The following LRRTM3 variants were observed in gnomAD, a reference collection of about 807,000 sequenced individuals.
LRRTM3 encodes the protein leucine-rich repeat transmembrane neuronal protein 3.
In LRRTM3, 24 loss-of-function variants were observed where a neutral mutation model predicts 44.7. The observed-to-expected ratio is 0.54, with a 90% confidence interval of 0.39 to 0.76. The LOEUF is 0.76. LRRTM3 is among the 30% of genes least tolerant of loss of function. The probability of loss-of-function intolerance (pLI) is 0.00; values close to 1 mark genes in which losing one functional copy is unlikely to be tolerated. For missense variants in LRRTM3, 587 were observed against 702.2 expected (o/e 0.84, Z 1.85); for synonymous variants, 277 against 278.7 (o/e 0.99, Z 0.06).
chr10:67,070,765 GA>G (rs995511048), intron 2 of LRRTM3, among the ~76,000 whole-genome samples: 2 of 151,366 alleles, frequency 1.3e-5, no homozygotes, highest in African/African-American at 2.4e-5. Context: ...AGAAAGAAAA[GA>G]AAAAAAAGAA....
intron 2 of LRRTM3, among the ~76,000 whole-genome samples, chr10:67,017,725 C>CTGTGTGTG (rs10586644): frequency 2.1e-4 from 31 of 147,988 alleles, no homozygotes; most frequent in African/African-American, 5.5e-4. Context: ...CAAAAATCAT[C>CTGTGTGTG]TGTGTGTGTG....
rs1858190352 is a variant in LRRTM3 at position 67,099,220 on chromosome 10, T to G, written c.*1424T>G. 1.3e-5 allele frequency: 2 copies of G among 151,838 alleles called. No homozygotes were observed. Among genetic ancestry groups the G allele is most frequent in the Admixed American group, 1.3e-4 (2 of 15,194 alleles). The allele number at this position is 151,838 out of a possible 1,614,324, so 9.4% of individuals were successfully genotyped here. ...TCATTCAAATCAAATTAAGAAAACCTGAGTCTTTAGAAGCTGAAATAATCA... is the reference window on the plus strand; with the variant it reads ...TCATTCAAATCAAATTAAGAAAACCGGAGTCTTTAGAAGCTGAAATAATCA... On this transcript the variant is annotated 3_prime_UTR_variant, in exon 3 of 3. Coordinates refer to ENST00000361320, the MANE Select transcript of LRRTM3 (RefSeq NM_178011.5).
intron 2 of LRRTM3, among the ~76,000 whole-genome samples, chr10:67,060,726 T>A (rs1402999711): frequency 6.6e-6 from 1 of 152,118 alleles, no homozygotes; most frequent in Non-Finnish European, 1.5e-5. Context: ...TCATTCCAGA[T>A]GATGTAGCTA....
chr10:67,044,887 C>T (rs900099457), intron 2 of LRRTM3, among the ~76,000 whole-genome samples: 1 of 152,158 alleles, frequency 6.6e-6, no homozygotes, highest in African/African-American at 2.4e-5. Flanking sequence ...AAGTTTCTTA[C>T]CTTCTTAGCG....
intron 2 of LRRTM3, among the ~76,000 whole-genome samples, chr10:67,063,885 C>T (rs918578606): frequency 2.0e-5 from 3 of 152,154 alleles, no homozygotes; most frequent in African/African-American, 7.2e-5. Flanking sequence ...ATACTCTGGC[C>T]TCCTCTAGAA....
chr10:67,019,942 G>A (rs1466743369), intron 2 of LRRTM3, among the ~76,000 whole-genome samples: 1 of 152,196 alleles, frequency 6.6e-6, no homozygotes, highest in Non-Finnish European at 1.5e-5. Context: ...AAATAAGAAC[G>A]TCACTTGTTT....
At chr10:66,998,559 C>G (rs1203077759) in intron 2 of LRRTM3, among the ~76,000 whole-genome samples, 4 of 151,734 alleles carry the variant, frequency 2.6e-5, no homozygotes, top group Non-Finnish European at 5.9e-5. Flanking sequence ...TGAAGAATGA[C>G]AATGAACAGA....
intron 2 of LRRTM3, among the ~76,000 whole-genome samples, chr10:66,966,208 C>T (rs757005617): frequency 2.0e-4 from 31 of 152,032 alleles, no homozygotes; most frequent in Admixed American, 2.6e-4. Context: ...CATTAATAAA[C>T]GAAAACAATT....
At chr10:67,014,002 T>C (rs1445052127) in intron 2 of LRRTM3, among the ~76,000 whole-genome samples, 2 of 152,098 alleles carry the variant, frequency 1.3e-5, no homozygotes, top group Non-Finnish European at 2.9e-5. Flanking sequence ...TCCAGAGAAT[T>C]TGTCTCTAAA....
chr10:66,929,608 C>T (rs781152308), intron 2 of LRRTM3, among the ~76,000 whole-genome samples: 7 of 152,152 alleles, frequency 4.6e-5, no homozygotes, highest in South Asian at 2.1e-4. Flanking sequence ...ATGTATAAAA[C>T]GAATCTTAGA....
intron 2 of LRRTM3, among the ~76,000 whole-genome samples, chr10:66,968,026 G>T (rs535729788): frequency 6.6e-6 from 1 of 152,090 alleles, no homozygotes; most frequent in Non-Finnish European, 1.5e-5. Context: ...TATACTAAAA[G>T]AAAAGAAATT....
intron 2 of LRRTM3, among the ~76,000 whole-genome samples, chr10:67,076,979 A>G (rs1442746672): frequency 6.6e-6 from 1 of 152,158 alleles, no homozygotes; most frequent in African/African-American, 2.4e-5. Context: ...CTCACCGCCA[A>G]AGCAACTTGC....
intron 2 of LRRTM3, among the ~76,000 whole-genome samples, chr10:67,058,092 G>C (rs576631233): frequency 6.6e-6 from 1 of 151,960 alleles, no homozygotes; most frequent in Non-Finnish European, 1.5e-5. Context: ...CTTGCATGCT[G>C]GTGTCTCTTC....
intron 2 of LRRTM3, among the ~76,000 whole-genome samples, chr10:67,039,654 A>G (rs1564848235): frequency 6.6e-6 from 1 of 152,134 alleles, no homozygotes; most frequent in South Asian, 2.1e-4. Flanking sequence ...CAGAAAAATT[A>G]AAAATCATGA....
intron 2 of LRRTM3, among the ~76,000 whole-genome samples, chr10:67,091,378 A>G (rs1032924006): frequency 6.6e-6 from 1 of 151,974 alleles, no homozygotes; most frequent in African/African-American, 2.4e-5. Context: ...GTATATATTT[A>G]AGGAATATAT....
At chr10:67,009,318 T>A (rs7896690) in intron 2 of LRRTM3, among the ~76,000 whole-genome samples, 48,248 of 151,884 alleles carry the variant, frequency 0.32, 7,999 homozygotes, top group Middle Eastern at 0.5. Context: ...TGAACTAAAT[T>A]TTATGGGATT....
Position 67,097,671 on chromosome 10 carries a change from T to C in LRRTM3, c.1621T>C (p.Ser541Pro). Residue 541 changes from serine (S) to proline (P), a missense_variant, in exon 3 of 3, where the codon TCC becomes CCC. Physicochemically the swap from Ser to Pro is moderately conservative, Grantham distance 74 (BLOSUM62 -1). Around this residue, in one of 3 missense-constraint regions of LRRTM3, gnomAD observed 315 missense variants for 335.6 expected, o/e 0.94. Transcript: ENST00000361320. ...CTGTGGGGTGCATCATGAACTTCTC[T>C]CCCATAAGTCCTTTGAAACGAATGC... ...SYCGVHHELL[S>P]HKSFETNAQE... The C allele has an allele frequency of 6.2e-7, 1 of 1,612,686 alleles. No individual in the cohort carries two copies. The highest frequency in any genetic ancestry group is 1.3e-5 in the African/African-American group (1 of 74,894).
chr10:66,993,318 A>T (rs1028710555), intron 2 of LRRTM3, among the ~76,000 whole-genome samples: 6 of 152,218 alleles, frequency 3.9e-5, no homozygotes, highest in Admixed American at 3.9e-4. Context: ...AGCCTCAGAC[A>T]TCACTCAAAG....
At chr10:67,081,810 T>G (rs1857073597) in intron 2 of LRRTM3, among the ~76,000 whole-genome samples, 1 of 152,198 alleles carries the variant, frequency 6.6e-6, no homozygotes, top group Admixed American at 6.5e-5. Context: ...GTCTCCCCTC[T>G]GAGGTCTTTC....
Sources: gnomAD v4.1 joint callset for allele counts (sites outside exome capture counted in the v4.1 genomes callset) on GRCh38, gnomAD v4.1.1 for gene constraint, gnomAD v4.1.1 regional missense constraint, MANE v1.5 for transcripts, NCBI Gene and HGNC (gene_info 2026-07-23, HGNC 2026-07-21) for gene names.